Variants in ROR1 observed in about 807,000 individuals in gnomAD.
ROR1 encodes ROR family WNT receptor 1.
A neutral mutation model predicts 78.8 loss-of-function variants in ROR1; 19 were observed. The observed-to-expected ratio is 0.24, with a 90% CI of 0.17 to 0.35. The LOEUF is 0.35. Among genes scored for constraint, ROR1 ranks in the 10% least tolerant of loss-of-function variants. The pLI, the probability that ROR1 is intolerant of heterozygous loss-of-function variation, is 1.00. For missense variants in ROR1, 917 were observed against 1,177.8 expected (o/e 0.78, Z 3.24); for synonymous variants, 386 against 433.6 (o/e 0.89, Z 1.36).
chr1:63,918,644 T>C (rs1352919868), intron 1 of ROR1, among the ~76,000 whole-genome samples: 2 of 152,222 alleles, frequency 1.3e-5, no homozygotes, highest in East Asian at 3.9e-4. Context: ...TTTTCTTTAA[T>C]TCCTTTTGTT....
intron 1 of ROR1, among the ~76,000 whole-genome samples, chr1:63,973,172 G>C (rs1646131951): frequency 6.6e-6 from 1 of 152,220 alleles, no homozygotes. Context: ...TTTCCCTGCT[G>C]TCAGGGGTGG....
chr1:63,916,060 G>A (rs1245812528), intron 1 of ROR1, among the ~76,000 whole-genome samples: 1 of 152,096 alleles, frequency 6.6e-6, no homozygotes, highest in African/African-American at 2.4e-5. Flanking sequence ...TTGACCTCCA[G>A]AACATGCTAT....
At chr1:64,114,914 T>C (rs545254893) in intron 4 of ROR1, among the ~76,000 whole-genome samples, 1 of 152,322 alleles carries the variant, frequency 6.6e-6, no homozygotes, top group South Asian at 2.1e-4. Context: ...TTTATATTGT[T>C]ATAGTCCAAT....
intron 1 of ROR1, among the ~76,000 whole-genome samples, chr1:63,857,297 C>T (rs571265647): frequency 3.9e-5 from 6 of 152,046 alleles, no homozygotes; most frequent in African/African-American, 1.4e-4. Context: ...GTAGCCTCTC[C>T]TTAGAAGGTG....
chr1:64,096,030 G>A (rs1647289705), intron 4 of ROR1, among the ~76,000 whole-genome samples: 1 of 139,244 alleles, frequency 7.2e-6, no homozygotes, highest in Admixed American at 7.0e-5. Flanking sequence ...AGGAACAAAG[G>A]GTTTGTAAAA....
chr1:64,136,534 T>TG (rs1008182251), intron 4 of ROR1, among the ~76,000 whole-genome samples: 28 of 152,018 alleles, frequency 1.8e-4, no homozygotes, highest in Non-Finnish European at 3.4e-4. Context: ...TGGTAGCCTC[T>TG]GCCCTTTCAG....
rs1051907159 is a variant in ROR1, at chr1:64,039,937, G to A, written c.164-9754G>A. On this transcript the variant is annotated intron_variant, in intron 2 of 8. Coordinates refer to ENST00000371079, the MANE Select transcript of ROR1 (RefSeq NM_005012.4). Reference sequence around the variant, plus strand: ...CTGCAATGTGACCTATAAAGCTTAAGCCCCGGGGTCAGAAACTTTGCTTTT... The same window carrying A: ...CTGCAATGTGACCTATAAAGCTTAAACCCCGGGGTCAGAAACTTTGCTTTT... Among the ~76,000 whole-genome samples the A allele has an allele frequency of 3.3e-5, 5 of 152,314 alleles. No homozygotes were observed. In the East Asian group the frequency reaches 9.6e-4, roughly 29 times the overall value.
intron 1 of ROR1, among the ~76,000 whole-genome samples, chr1:63,920,326 A>G (rs1015190745): frequency 6.6e-6 from 1 of 152,190 alleles, no homozygotes; most frequent in Non-Finnish European, 1.5e-5. Context: ...GATTTATTTG[A>G]GCTGGTTTTT....
intron 1 of ROR1, among the ~76,000 whole-genome samples, chr1:63,962,347 T>G (rs6695003): frequency 0.013 from 2,001 of 152,322 alleles, 44 homozygotes; most frequent in African/African-American, 0.047. Context: ...GAGCTCCTCT[T>G]GAATAAGTGA....
chr1:63,868,397 A>G (rs1470301742), intron 1 of ROR1, among the ~76,000 whole-genome samples: 1 of 152,174 alleles, frequency 6.6e-6, no homozygotes, highest in Non-Finnish European at 1.5e-5. Context: ...AATATGAGGC[A>G]GAGGGAGGCT....
At chr1:63,946,169 C>T (rs1645887683) in intron 1 of ROR1, among the ~76,000 whole-genome samples, 1 of 152,154 alleles carries the variant, frequency 6.6e-6, no homozygotes, top group East Asian at 1.9e-4. Context: ...TGGCTCTGGG[C>T]AGGTGCTTGA....
intron 8 of ROR1, among the ~76,000 whole-genome samples, chr1:64,172,860 A>G (rs1650278536): frequency 6.6e-6 from 1 of 152,182 alleles, no homozygotes; most frequent in Non-Finnish European, 1.5e-5. Context: ...TTTCATTACT[A>G]AAATATAATT....
At chr1:64,091,292 AT>A (rs895912207) in intron 4 of ROR1, among the ~76,000 whole-genome samples, 78 of 152,278 alleles carry the variant, frequency 5.1e-4, no homozygotes, top group African/African-American at 1.8e-3. Flanking sequence ...AGAAATACAG[AT>A]TGTGCCCAGC....
chr1:64,134,543 CACAGT>C (rs1028674086), intron 4 of ROR1, among the ~76,000 whole-genome samples: 2 of 152,130 alleles, frequency 1.3e-5, no homozygotes, highest in African/African-American at 4.8e-5. Context: ...AAGCACCTAA[CACAGT>C]ACCCAGCCCA....
At chr1:63,980,611 G>A (rs1646202691) in intron 1 of ROR1, among the ~76,000 whole-genome samples, 1 of 152,254 alleles carries the variant, frequency 6.6e-6, no homozygotes, top group Non-Finnish European at 1.5e-5. Flanking sequence ...GGCCTGGATA[G>A]ACATATACCT....
chr1:64,137,399 G>T lies in ROR1; in HGVS notation c.513G>T (p.Gln171His). 6.2e-7 allele frequency: 1 copy of T among 1,614,010 alleles called. No individual in the cohort carries two copies. Among genetic ancestry groups the T allele is most frequent in the Non-Finnish European group, 8.5e-7 (1 of 1,179,898 alleles). ...SDEYEEDGFC[Q>H]PYRGIACARF... is the part of the protein sequence containing the mutation. ...AGTATGAAGAAGATGGATTCTGTCA[G>T]CCATACAGAGGGATTGCATGTGCAA... is the stretch of plus-strand genomic sequence containing the variant. Residue 171 changes from glutamine (Q) to histidine (H), a missense_variant, in exon 5 of 9, where the codon CAG (glutamine) becomes CAT (histidine). Gln to His is a conservative substitution (Grantham distance 24). Transcript: ENST00000371079.
At chr1:64,097,278 T>C (rs1569743370) in intron 4 of ROR1, among the ~76,000 whole-genome samples, 1 of 152,278 alleles carries the variant, frequency 6.6e-6, no homozygotes, top group East Asian at 1.9e-4. Context: ...AGTGGAATCC[T>C]TCTGAACACT....
chr1:63,993,611 G>T (rs1052759197), intron 1 of ROR1, among the ~76,000 whole-genome samples: 2 of 152,082 alleles, frequency 1.3e-5, no homozygotes, highest in African/African-American at 4.8e-5. Flanking sequence ...TTATATTGTT[G>T]TATACACACT....
At chr1:64,049,466 ACT>A (rs1378690347) in intron 2 of ROR1, among the ~76,000 whole-genome samples, 4 of 152,060 alleles carry the variant, frequency 2.6e-5, no homozygotes, top group Admixed American at 2.6e-4. Flanking sequence ...TGGGTTCTAT[ACT>A]CTGATTAGTG....
Sources: allele counts gnomAD v4.1 joint callset (sites outside exome capture counted in the v4.1 genomes callset), GRCh38; gene constraint gnomAD v4.1.1; transcripts MANE v1.5; gene names NCBI Gene and HGNC (gene_info 2026-07-23, HGNC 2026-07-21).